Variants in TARS1 observed in about 807,000 individuals in gnomAD.
TARS1 encodes threonyl-tRNA synthetase 1.
A neutral mutation model predicts 97.7 loss-of-function variants in TARS1; 57 were observed. The ratio of observed to expected loss-of-function variants is 0.58; its 90% CI spans 0.47 to 0.73. TARS1 has a LOEUF of 0.73. Among genes scored for constraint, TARS1 ranks in the 30% least tolerant of loss-of-function variants. The pLI, the probability that TARS1 is intolerant of heterozygous loss-of-function variation, is 0.00. For synonymous variants in TARS1, 312 were observed against 293.7 expected (o/e 1.06, Z -0.64); for missense variants, 806 against 888.3 (o/e 0.91, Z 1.18).
intron 1 of TARS1, among the ~76,000 whole-genome samples, chr5:33,443,440 C>T (rs142819189): frequency 6.9e-4 from 103 of 148,470 alleles, no homozygotes; most frequent in African/African-American, 2.3e-3. Flanking sequence ...ATCATCTTTC[C>T]ATTTTAAACC....
At chr5:33,453,263 C>CTTT (rs35931457) in intron 3 of TARS1, 26 bp from the exon 4 acceptor site, 357 of 1,341,856 alleles carry the variant, frequency 2.7e-4, no homozygotes, top group South Asian at 8.7e-4. Context: ...TATGTGTGGA[C>CTTT]TTTTTTTTTT....
chr5:33,462,667 A>G (rs984887470), intron 16 of TARS1, among the ~76,000 whole-genome samples: 3 of 152,200 alleles, frequency 2.0e-5, no homozygotes, highest in African/African-American at 7.2e-5. Context: ...AAACCGATCA[A>G]CATTTGTGAT....
At position 33,461,898 on chromosome 5, in the gene TARS1, C is replaced by T. The variant is rs190564369; in HGVS notation, c.1630-8C>T. 6.0e-5 allele frequency: 96 copies of T among 1,611,154 alleles called. 1 individual carries two copies. In the African/African-American group the frequency reaches 1.1e-3, roughly 19 times the overall value. On this transcript the variant is annotated splice_polypyrimidine_tract_variant and splice_region_variant and intron_variant, in intron 14 of 18. Coordinates refer to ENST00000265112, the MANE Select transcript of TARS1 (RefSeq NM_152295.5). ...GCATTTTATAATAACCCAGTCTTTG[C>T]TTCTTAGATTGACATACAGATTAAA... is the stretch of plus-strand genomic sequence containing the variant.
chr5:33,441,271 GA>G, intron 1 of TARS1, 128 bp downstream of exon 1: 1 of 1,122,500 alleles, frequency 8.9e-7, no homozygotes, highest in South Asian at 1.3e-5. Flanking sequence ...AGAAGTGGGG[GA>G]TGGTGGGACT....
At chr5:33,460,047 T>TTA in intron 11 of TARS1, 186 bp downstream of exon 11, 2 of 515,298 alleles carry the variant, frequency 3.9e-6, no homozygotes, top group East Asian at 3.5e-5. Flanking sequence ...TTTTTTTTTT[T>TTA]AAAGAGGTCT....
At chr5:33,440,954 G>A, upstream of TARS1, 1 of 1,048,064 alleles carries the variant, frequency 9.5e-7, no homozygotes, top group Non-Finnish European at 1.4e-6. Context: ...GGCGGGGTTA[G>A]GGCGCCTTTC....
chr5:33,466,705 G>T, intron 17 of TARS1, 166 bp from the exon 18 acceptor site: 1 of 428,766 alleles, frequency 2.3e-6, no homozygotes, highest in Non-Finnish European at 4.2e-6. Context: ...CCTTTTTGAG[G>T]GGGGAATAAT....
chr5:33,467,018 C>A, intron 18 of TARS1, 33 bp downstream of exon 18: 1 of 1,397,008 alleles, frequency 7.2e-7, no homozygotes, highest in Non-Finnish European at 9.7e-7. Context: ...GAAAATTTGC[C>A]ACACCTCAGG....
At chr5:33,441,401 T>C in intron 1 of TARS1, 1 of 503,312 alleles carries the variant, frequency 2.0e-6, no homozygotes, top group Non-Finnish European at 3.6e-6. Context: ...AGTGAGCGAC[T>C]TGTTCAGAGC....
chr5:33,467,031 A>G, intron 18 of TARS1, 46 bp downstream of exon 18: 4 of 1,190,116 alleles, frequency 3.4e-6, no homozygotes, highest in Non-Finnish European at 4.7e-6. Flanking sequence ...ACCTCAGGAA[A>G]ATCTACTGAA....
intron 3 of TARS1, among the ~76,000 whole-genome samples, chr5:33,449,343 G>A (rs184369147): frequency 2.0e-4 from 20 of 101,070 alleles, no homozygotes; most frequent in African/African-American, 4.2e-4. Flanking sequence ...ATATATACAC[G>A]TGTATATATA....
At chr5:33,457,232 T>A (rs780793413) in intron 8 of TARS1, 25 bp from the exon 9 acceptor site, 1 of 1,605,514 alleles carries the variant, frequency 6.2e-7, no homozygotes, top group Non-Finnish European at 8.5e-7. Context: ...TTGAATGTTG[T>A]TTCATGGTTA....
chr5:33,455,559 G>C, intron 5 of TARS1, 28 bp from the exon 6 acceptor site: 1 of 1,459,876 alleles, frequency 6.8e-7, no homozygotes, highest in Non-Finnish European at 9.4e-7. Flanking sequence ...CGAATGGAAT[G>C]AAAAGATTAT....
Position 33,467,198 on chromosome 5 carries a change from G to A in TARS1, c.2023+213G>A, listed in dbSNP as rs186228678. On this transcript the variant is annotated intron_variant, in intron 18 of 18. Transcript: ENST00000265112. ...TTTTTTTTTCACTTAAATCATGGAT[G>A]TCTGTGAGAAAATATTTTGCTATTA... Among the ~76,000 whole-genome samples, 42 of 148,668 alleles carry A rather than the reference G, an allele frequency of 2.8e-4. 1 individual carries two copies. In the East Asian group the frequency reaches 7.4e-3, roughly 26 times the overall value.
rs1374350854 is a variant in TARS1 at position 33,458,547 on chromosome 5, T to C, written c.985-19T>C. 1.2e-6 allele frequency: 2 copies of C among 1,602,054 alleles called. No homozygotes were observed. Among genetic ancestry groups the C allele is most frequent in the Non-Finnish European group, 1.7e-6 (2 of 1,173,920 alleles). ...ATACGTGACGTACATAAACATTCTT[T>C]TGCTTTTCTTTTACCCAGGACCAAG... On this transcript the variant is annotated intron_variant, in intron 9 of 18. Transcript: ENST00000265112.
At position 33,462,066 on chromosome 5, in the gene TARS1, A is replaced by G. The variant is rs201425463; in HGVS notation, c.1731-33A>G. ...GGGATATATAAGAGAAAATATATATAATAAGACAAAACAATTTTTTTTTTC... is the reference window on the plus strand; with the variant it reads ...GGGATATATAAGAGAAAATATATATGATAAGACAAAACAATTTTTTTTTTC... On this transcript the variant is annotated intron_variant, in intron 15 of 18. Transcript: ENST00000265112. 1.3e-4 allele frequency: 203 copies of G among 1,602,090 alleles called. No individual in the cohort carries two copies. The African/African-American group carries it at 2.5e-3, about 20-fold the overall frequency.
In TARS1 at chr5:33,461,053, G is replaced by C; in HGVS notation, c.1402G>C (p.Ala468Pro). 6.2e-7 allele frequency: 1 copy of C among 1,614,126 alleles called. No homozygotes were observed. Among genetic ancestry groups the C allele is most frequent in the South Asian group, 1.1e-5 (1 of 91,078 alleles). Residue 468 changes from alanine to proline, a missense_variant, in exon 12 of 19, where the codon GCC (alanine) becomes CCC (proline). Around this residue, in one of 3 missense-constraint regions of TARS1, gnomAD observed 446 missense variants for 511.0 expected, o/e 0.87. Transcript: ENST00000265112. ...ACAGGATGATGCTCACATATTCTGTGCCATGGAGCAGGTATGAGACCCTGG... is the reference window on the plus strand; with the variant it reads ...ACAGGATGATGCTCACATATTCTGTCCCATGGAGCAGGTATGAGACCCTGG... ...FQQDDAHIFC[A>P]MEQIEDEIKG...
chr5:33,450,554 A>G (rs1476582290), intron 3 of TARS1, among the ~76,000 whole-genome samples: 1 of 152,230 alleles, frequency 6.6e-6, no homozygotes, highest in Non-Finnish European at 1.5e-5. Flanking sequence ...TTGTAATACC[A>G]TGCAAGTTTC....
intron 5 of TARS1, 129 bp downstream of exon 5, chr5:33,455,195 A>C: frequency 8.4e-7 from 1 of 1,190,938 alleles, no homozygotes; most frequent in East Asian, 2.6e-5. Context: ...GCCCATTATC[A>C]GTACTTGAAG....
Sources: allele counts gnomAD v4.1 joint callset (sites outside exome capture counted in the v4.1 genomes callset), GRCh38; gene constraint gnomAD v4.1.1; regional missense constraint gnomAD v4.1.1; transcripts MANE v1.5; gene names NCBI Gene and HGNC (gene_info 2026-07-23, HGNC 2026-07-21).